DAB1: variants seen among roughly 807,000 people sequenced by gnomAD.
The protein encoded by DAB1 is DAB adaptor protein 1.
Under a neutral mutation model 64.6 loss-of-function variants are expected in DAB1, and 15 were observed. The ratio of observed to expected loss-of-function variants is 0.23; its 90% CI spans 0.16 to 0.36. The LOEUF (loss-of-function observed/expected upper bound fraction) is 0.36. DAB1 is among the 10% of genes least tolerant of loss of function. The pLI, the probability that DAB1 is intolerant of heterozygous loss-of-function variation, is 1.00. For missense variants in DAB1, 596 were observed against 706.7 expected (o/e 0.84, Z 1.78); for synonymous variants, 235 against 251.9 (o/e 0.93, Z 0.64).
intron 4 of DAB1, among the ~76,000 whole-genome samples, chr1:57,109,814 T>C (rs1045306322): frequency 2.6e-5 from 4 of 152,174 alleles, no homozygotes; most frequent in African/African-American, 9.7e-5. Context: ...AATGATTGCA[T>C]GAATCTTAGA....
intron 4 of DAB1, among the ~76,000 whole-genome samples, chr1:57,094,583 AT>A (rs750230815): frequency 3.3e-5 from 5 of 152,154 alleles, no homozygotes; most frequent in Non-Finnish European, 7.4e-5. Flanking sequence ...CTAAATTACA[AT>A]TACACATTCA....
intron 4 of DAB1, among the ~76,000 whole-genome samples, chr1:57,116,153 G>A (rs1437743619): frequency 6.6e-6 from 1 of 152,054 alleles, no homozygotes; most frequent in Non-Finnish European, 1.5e-5. Context: ...GAGCAGTTTA[G>A]TGTGGATTCG....
rs138850309 is a variant in DAB1 at position 57,494,852 on chromosome 1, T to A, written n.625+154740A>T. On this transcript the variant is annotated intron_variant and non_coding_transcript_variant, in intron 7 of 20. Coordinates refer to the DAB1 transcript ENST00000485760. ...TTAATCGCTCTTGGTTTAGAGTAGG[T>A]CATTCTGTACCTTGCTTCAGCTGTG... 1.3e-3 allele frequency among the ~76,000 whole-genome samples: 191 copies of A among 152,276 alleles called. 2 individuals carry two copies. In the Middle Eastern group the frequency reaches 0.014, roughly 11 times the overall value.
chr1:58,319,481 A>G (rs1056658627), intron 4 of DAB1, among the ~76,000 whole-genome samples: 1 of 152,118 alleles, frequency 6.6e-6, no homozygotes, highest in African/African-American at 2.4e-5. Context: ...TGAACTGAGG[A>G]CCCCAAACAT....
At chr1:57,200,204 T>C (rs1375019143) in intron 2 of DAB1, among the ~76,000 whole-genome samples, 4 of 152,252 alleles carry the variant, frequency 2.6e-5, no homozygotes, top group African/African-American at 7.2e-5. Flanking sequence ...GATATGGTTC[T>C]GTTTCCCTTT....
chr1:58,061,361 G>A (rs1411422286), intron 5 of DAB1, among the ~76,000 whole-genome samples: 1 of 152,188 alleles, frequency 6.6e-6, no homozygotes, highest in Admixed American at 6.5e-5. Context: ...CAAGGTGTTG[G>A]CAGGGCTATT....
intron 1 of DAB1, among the ~76,000 whole-genome samples, chr1:57,333,764 C>T (rs1241874096): frequency 6.6e-6 from 1 of 152,202 alleles, no homozygotes; most frequent in Non-Finnish European, 1.5e-5. Flanking sequence ...CTGCTTAGAA[C>T]AGCTCTGGCA....
intron 7 of DAB1, among the ~76,000 whole-genome samples, chr1:57,570,557 T>C (rs1182412156): frequency 6.6e-6 from 1 of 152,142 alleles, no homozygotes; most frequent in Non-Finnish European, 1.5e-5. Flanking sequence ...ACCAGTACCA[T>C]GCTGTTTTGG....
At chr1:57,191,316 T>C (rs1298078037) in intron 2 of DAB1, among the ~76,000 whole-genome samples, 3 of 152,196 alleles carry the variant, frequency 2.0e-5, no homozygotes, top group Non-Finnish European at 2.9e-5. Context: ...GTAGGGTGCA[T>C]GTGACACATT....
intron 6 of DAB1, among the ~76,000 whole-genome samples, chr1:57,800,093 C>T (rs1327878570): frequency 6.6e-6 from 1 of 152,142 alleles, no homozygotes; most frequent in African/African-American, 2.4e-5. Context: ...TATGTTAATA[C>T]TCAGGACAAC....
At chr1:58,277,425 A>T (rs979639207) in intron 4 of DAB1, among the ~76,000 whole-genome samples, 1 of 152,146 alleles carries the variant, frequency 6.6e-6, no homozygotes, top group African/African-American at 2.4e-5. Context: ...GTGCTAAAGG[A>T]TTTTAAGATG....
intron 1 of DAB1, among the ~76,000 whole-genome samples, chr1:57,305,981 A>G (rs1459286640): frequency 1.3e-5 from 2 of 148,966 alleles, no homozygotes; most frequent in South Asian, 2.2e-4. Flanking sequence ...AAAAAAAAAA[A>G]AAAAGAAAAA....
chr1:57,808,683 T>C (rs1651479787), intron 6 of DAB1, among the ~76,000 whole-genome samples: 1 of 152,344 alleles, frequency 6.6e-6, no homozygotes, highest in African/African-American at 2.4e-5. Flanking sequence ...TATATTAGGT[T>C]CTTCATATTA....
chr1:57,907,688 C>G (rs1208583871), intron 5 of DAB1, among the ~76,000 whole-genome samples: 2 of 152,160 alleles, frequency 1.3e-5, no homozygotes, highest in African/African-American at 4.8e-5. Context: ...TAGCAGTAGT[C>G]CAGTCTGTGT....
intron 6 of DAB1, among the ~76,000 whole-genome samples, chr1:57,781,430 G>T (rs1360123863): frequency 6.6e-6 from 1 of 151,786 alleles, no homozygotes; most frequent in Non-Finnish European, 1.5e-5. Context: ...AGGCAAACCT[G>T]ACAACAGCTA....
chr1:57,557,786 C>G (rs535080761), intron 7 of DAB1, among the ~76,000 whole-genome samples: 1 of 152,214 alleles, frequency 6.6e-6, no homozygotes, highest in East Asian at 1.9e-4. Context: ...TACCTTTGAC[C>G]ATAAGTGGAA....
chr1:58,422,433 A>C (rs1458687833), intron 3 of DAB1, among the ~76,000 whole-genome samples: 1 of 151,984 alleles, frequency 6.6e-6, no homozygotes, highest in Non-Finnish European at 1.5e-5. Context: ...TTGAGTGCTG[A>C]GGACAAGTTC....
At chr1:57,532,471 T>G (rs1437002758) in intron 7 of DAB1, among the ~76,000 whole-genome samples, 2 of 152,232 alleles carry the variant, frequency 1.3e-5, no homozygotes, top group Non-Finnish European at 2.9e-5. Flanking sequence ...CTTTCCCATT[T>G]GGAAGCCATC....
At chr1:58,348,990 C>T (rs1644026430) in intron 3 of DAB1, among the ~76,000 whole-genome samples, 1 of 152,208 alleles carries the variant, frequency 6.6e-6, no homozygotes, top group Admixed American at 6.6e-5. Context: ...GCTCAGAACA[C>T]AGCTTTGAGA....
Sources: gnomAD v4.1 joint callset for allele counts (sites outside exome capture counted in the v4.1 genomes callset) on GRCh38, gnomAD v4.1.1 for gene constraint, MANE v1.5 for transcripts, NCBI Gene and HGNC (gene_info 2026-07-23, HGNC 2026-07-21) for gene names.